PARD3: variants seen among roughly 807,000 people sequenced by gnomAD.
PARD3 encodes the protein par-3 family cell polarity regulator.
A neutral mutation model predicts 155.4 loss-of-function variants in PARD3; 75 were observed. The observed-to-expected ratio is 0.48, with a 90% CI of 0.40 to 0.58. The LOEUF (loss-of-function observed/expected upper bound fraction) is 0.58, where lower values mean the gene tolerates loss of function less well. Among genes scored for constraint, PARD3 ranks in the 20% least tolerant of loss-of-function variants. The probability of loss-of-function intolerance (pLI) is 0.00; values close to 1 mark genes in which losing one functional copy is unlikely to be tolerated. For missense variants in PARD3, 1,642 were observed against 1,721.7 expected (o/e 0.95, Z 0.82); for synonymous variants, 576 against 610.5 (o/e 0.94, Z 0.83).
At chr10:34,766,536 C>T (rs10764005) in intron 1 of PARD3, among the ~76,000 whole-genome samples, 32,871 of 147,728 alleles carry the variant, frequency 0.22, 4,671 homozygotes, top group East Asian at 0.54. Context: ...GGAAAAATCA[C>T]AGTACAGATA....
chr10:34,210,567 G>A (rs1951697231), intron 22 of PARD3, among the ~76,000 whole-genome samples: 1 of 152,120 alleles, frequency 6.6e-6, no homozygotes, highest in African/African-American at 2.4e-5. Flanking sequence ...GTACAAAGTG[G>A]AAATAATTGA....
At chr10:34,691,559 T>C (rs975333523) in intron 2 of PARD3, among the ~76,000 whole-genome samples, 1 of 152,152 alleles carries the variant, frequency 6.6e-6, no homozygotes, top group African/African-American at 2.4e-5. Context: ...TATCAAACTA[T>C]ACCAATGACA....
intron 2 of PARD3, among the ~76,000 whole-genome samples, chr10:34,664,472 A>T (rs2093402215): frequency 6.6e-6 from 1 of 151,570 alleles, no homozygotes; most frequent in African/African-American, 2.4e-5. Flanking sequence ...AAGTGCTGGG[A>T]TTATAGGCGT....
intron 1 of PARD3, among the ~76,000 whole-genome samples, chr10:34,741,740 T>G (rs1348657885): frequency 6.6e-6 from 1 of 152,176 alleles, no homozygotes; most frequent in Non-Finnish European, 1.5e-5. Context: ...TGTCCCTCAT[T>G]GTGTATGGAT....
chr10:34,677,991 T>C (rs770122500), intron 2 of PARD3, among the ~76,000 whole-genome samples: 10 of 151,960 alleles, frequency 6.6e-5, no homozygotes, highest in Non-Finnish European at 1.3e-4. Flanking sequence ...ATTGATTGTA[T>C]AGCCTAAACT....
chr10:34,225,972 G>A (rs529808130), intron 22 of PARD3, among the ~76,000 whole-genome samples: 2 of 152,012 alleles, frequency 1.3e-5, no homozygotes, highest in South Asian at 4.2e-4. Flanking sequence ...GTAACCTTGG[G>A]CATTAAAAAA....
At chr10:34,200,410 T>C (rs1352702828) in intron 22 of PARD3, among the ~76,000 whole-genome samples, 1 of 152,164 alleles carries the variant, frequency 6.6e-6, no homozygotes, top group Non-Finnish European at 1.5e-5. Flanking sequence ...AATGGAACTT[T>C]TGCCAAAGAC....
chr10:34,222,561 GGA>G (rs148941978), intron 22 of PARD3, among the ~76,000 whole-genome samples: 2 of 152,084 alleles, frequency 1.3e-5, no homozygotes, highest in South Asian at 2.1e-4. Context: ...AGTAATAAAT[GGA>G]GAGAGAGAGA....
rs913534629 is a variant in PARD3, at chr10:34,646,843, C to T, written c.222+49475G>A. 1.8e-4 allele frequency among the ~76,000 whole-genome samples: 27 copies of T among 152,028 alleles called. 1 individual carries two copies. Among genetic ancestry groups the T allele is most frequent in the Admixed American group, 6.5e-5 (1 of 15,272 alleles). On this transcript the variant is annotated intron_variant, in intron 2 of 24. Coordinates refer to ENST00000374788, the MANE Select transcript of PARD3 (RefSeq NM_001184785.2). ...AGGTATATGCCACCACCTTCAGCTA[C>T]GATTTTTTATTATCATTATTTTTTT...
intron 3 of PARD3, among the ~76,000 whole-genome samples, chr10:34,478,170 A>G (rs1340638021): frequency 6.6e-6 from 1 of 152,210 alleles, no homozygotes; most frequent in East Asian, 1.9e-4. Context: ...TTTTTTTTCT[A>G]TATAAGCAAT....
At chr10:34,309,672 C>A (rs1002271780) in intron 20 of PARD3, among the ~76,000 whole-genome samples, 1 of 149,514 alleles carries the variant, frequency 6.7e-6, no homozygotes, top group African/African-American at 2.5e-5. Flanking sequence ...AAGAGAGGAC[C>A]AGAATGGTTT....
intron 22 of PARD3, 149 bp downstream of exon 22, chr10:34,269,507 TA>T: frequency 1.3e-6 from 1 of 770,714 alleles, no homozygotes; most frequent in Non-Finnish European, 2.1e-6. Flanking sequence ...TCAATTTGTG[TA>T]AACTCAATAC....
intron 2 of PARD3, among the ~76,000 whole-genome samples, chr10:34,659,201 A>G (rs984055533): frequency 8.5e-5 from 13 of 152,286 alleles, no homozygotes; most frequent in South Asian, 2.1e-4. Context: ...CACAGGACAA[A>G]CCAACACATG....
At chr10:34,529,305 T>C (rs1051872412) in intron 2 of PARD3, among the ~76,000 whole-genome samples, 1 of 152,114 alleles carries the variant, frequency 6.6e-6, no homozygotes, top group Non-Finnish European at 1.5e-5. Flanking sequence ...TCCAAACCAC[T>C]TTCAAAGGAT....
rs753607563 is a variant in PARD3, at chr10:34,119,602, C to T, written c.3668+11G>A. 3.2e-6 allele frequency: 5 copies of T among 1,587,016 alleles called. No homozygotes were observed. Among genetic ancestry groups the T allele is most frequent in the East Asian group, 4.5e-5 (2 of 44,068 alleles). On this transcript the variant is annotated intron_variant, in intron 24 of 24. Coordinates refer to ENST00000374788, the MANE Select transcript of PARD3 (RefSeq NM_001184785.2). ...GGGGGGATCTGGAGGCTCGGCCAAG[C>T]GTCCTCATACCGAGGCAGAGAGCTG...
chr10:34,514,533 C>A (rs1189291727), intron 3 of PARD3, among the ~76,000 whole-genome samples: 1 of 152,152 alleles, frequency 6.6e-6, no homozygotes, highest in Non-Finnish European at 1.5e-5. Flanking sequence ...TAGTTATGGA[C>A]CTGTGTATAG....
chr10:34,370,956 G>A (rs1042555010), intron 12 of PARD3, among the ~76,000 whole-genome samples: 7 of 151,946 alleles, frequency 4.6e-5, no homozygotes, highest in East Asian at 1.9e-4. Context: ...TAAACACTAC[G>A]TAAACTATCC....
At chr10:34,496,062 C>T (rs2080261219) in intron 3 of PARD3, among the ~76,000 whole-genome samples, 1 of 151,654 alleles carries the variant, frequency 6.6e-6, no homozygotes, top group East Asian at 1.9e-4. Flanking sequence ...ATTAGCTGGG[C>T]ATGGTGGTGT....
intron 1 of PARD3, among the ~76,000 whole-genome samples, chr10:34,768,885 G>A (rs777214333): frequency 1.3e-5 from 2 of 152,146 alleles, no homozygotes; most frequent in Non-Finnish European, 2.9e-5. Context: ...GAGCTCTGAA[G>A]GGAGGTGAAT....
Sources: gnomAD v4.1 joint callset for allele counts (sites outside exome capture counted in the v4.1 genomes callset) on GRCh38, gnomAD v4.1.1 for gene constraint, MANE v1.5 for transcripts, NCBI Gene and HGNC (gene_info 2026-07-23, HGNC 2026-07-21) for gene names.